The following HS6ST2 variants were observed in gnomAD, a reference collection of about 807,000 sequenced individuals.
The protein encoded by HS6ST2 is heparan sulfate 6-O-sulfotransferase 2.
HS6ST2 carries 17 observed loss-of-function variants against 33.0 expected under a neutral mutation model. The observed-to-expected ratio is 0.52, with a 90% confidence interval of 0.35 to 0.77. The LOEUF (loss-of-function observed/expected upper bound fraction) is 0.77. HS6ST2 is among the 30% of genes least tolerant of loss of function. The probability of loss-of-function intolerance (pLI) is 0.01; values close to 1 mark genes in which losing one functional copy is unlikely to be tolerated. For synonymous variants in HS6ST2, 248 were observed against 237.1 expected (o/e 1.05, Z -0.42); for missense variants, 519 against 551.7 (o/e 0.94, Z 0.59).
chrX:132,876,654 T>G (rs1396380550), intron 2 of HS6ST2, among the ~76,000 whole-genome samples: 1 of 110,484 alleles, frequency 9.1e-6, no homozygotes, highest in Non-Finnish European at 1.9e-5. Context: ...CACTCCTTTA[T>G]GGTGGGAGGG....
At chrX:132,714,320 TAAC>T (rs1447401261) in intron 2 of HS6ST2, among the ~76,000 whole-genome samples, 1 of 110,461 alleles carries the variant, frequency 9.1e-6, no homozygotes, top group African/African-American at 3.3e-5. Flanking sequence ...CTGTTCATGA[TAAC>T]ATTTTTTTTT....
chrX:132,942,464 CTTTTCT>C, intron 2 of HS6ST2, among the ~76,000 whole-genome samples: 1 of 112,185 alleles, frequency 8.9e-6, no homozygotes, highest in African/African-American at 3.2e-5. Context: ...CATAATGGCA[CTTTTCT>C]AAAGCTGCCC....
intron 2 of HS6ST2, among the ~76,000 whole-genome samples, chrX:132,782,977 G>C (rs1167237062): frequency 1.8e-5 from 2 of 111,478 alleles, no homozygotes; most frequent in African/African-American, 6.5e-5. Context: ...CAACATTTAG[G>C]AGAAGAAAAG....
At chrX:132,932,718 T>A (rs1305156703) in intron 2 of HS6ST2, among the ~76,000 whole-genome samples, 1 of 109,713 alleles carries the variant, frequency 9.1e-6, no homozygotes, top group East Asian at 2.8e-4. Context: ...AGAAATAGTG[T>A]TGAAACTAAT....
intron 2 of HS6ST2, among the ~76,000 whole-genome samples, chrX:132,740,682 T>G (rs750228135): frequency 9.0e-6 from 1 of 111,226 alleles, no homozygotes; most frequent in South Asian, 3.9e-4. Context: ...CTTTTTTTTT[T>G]TCAGCCATGC....
intron 2 of HS6ST2, among the ~76,000 whole-genome samples, chrX:132,893,127 A>G (rs1698696819): frequency 8.9e-6 from 1 of 112,081 alleles, no homozygotes; most frequent in South Asian, 3.8e-4. Context: ...ATTGATATAC[A>G]CAGTAGAGAC....
rs765786685 is a variant in HS6ST2, at chrX:132,934,321, A to G, written c.947+22487T>C. 7.1e-4 allele frequency among the ~76,000 whole-genome samples: 80 copies of G among 112,041 alleles called. 1 individual carries two copies. In the Middle Eastern group the frequency reaches 0.033, roughly 46 times the overall value. Reference sequence around the variant, plus strand: ...AAACAAACAGAACCAGTAATGGTACATAAGGTGGTTTATAAGAAACTCAAT... The same window carrying G: ...AAACAAACAGAACCAGTAATGGTACGTAAGGTGGTTTATAAGAAACTCAAT... On this transcript the variant is annotated intron_variant, in intron 2 of 4. Transcript: ENST00000370833.
At chrX:132,927,957 G>A (rs184791619) in intron 2 of HS6ST2, among the ~76,000 whole-genome samples, 1 of 111,180 alleles carries the variant, frequency 9.0e-6, no homozygotes, top group East Asian at 2.8e-4. Context: ...TTAGCTCATG[G>A]TTCTGTAGGC....
At chrX:132,784,281 C>A (rs182787040) in intron 2 of HS6ST2, among the ~76,000 whole-genome samples, 1 of 111,624 alleles carries the variant, frequency 9.0e-6, no homozygotes, top group Non-Finnish European at 1.9e-5. Context: ...GATATGGGAA[C>A]TGAGCCTCAA....
At chrX:132,782,184 A>G (rs192735856) in intron 2 of HS6ST2, among the ~76,000 whole-genome samples, 1,200 of 112,147 alleles carry the variant, frequency 0.011, 10 homozygotes, top group Non-Finnish European at 0.018. Context: ...AACAAAAAGT[A>G]TAGTACACAG....
intron 3 of HS6ST2, among the ~76,000 whole-genome samples, chrX:132,672,227 C>A (rs1016080211): frequency 6.5e-5 from 7 of 108,135 alleles, no homozygotes; most frequent in Non-Finnish European, 1.3e-4. Flanking sequence ...TGAAACATCC[C>A]GCAATCCCAG....
chrX:132,864,084 C>T lies in HS6ST2; in HGVS notation c.947+92724G>A, dbSNP rs191647802. On this transcript the variant is annotated intron_variant, in intron 2 of 4. Transcript: ENST00000370833. ...AACAAAAAGGACATCCACAGAGAAA[C>T]CCCATATGAAGCTCACCAACATCAA... is the stretch of plus-strand genomic sequence containing the variant. Among the ~76,000 whole-genome samples, 32 of 110,467 alleles carry T rather than the reference C, an allele frequency of 2.9e-4. 1 individual carries two copies. In the Admixed American group the frequency reaches 3.1e-3, roughly 11 times the overall value.
At chrX:132,823,957 A>G (rs2065490536) in intron 2 of HS6ST2, among the ~76,000 whole-genome samples, 1 of 109,958 alleles carries the variant, frequency 9.1e-6, no homozygotes, top group Non-Finnish European at 1.9e-5. Context: ...ATGGCTGAGT[A>G]GTATTCCGTG....
intron 2 of HS6ST2, 128 bp from the exon 3 acceptor site, chrX:132,708,622 C>T (rs2064205757): frequency 1.8e-6 from 1 of 548,369 alleles, no homozygotes; most frequent in Non-Finnish European, 3.0e-6. Context: ...GGAAACAGCT[C>T]ATAGATGGCT....
intron 2 of HS6ST2, among the ~76,000 whole-genome samples, chrX:132,865,683 G>C (rs1443816233): frequency 8.9e-6 from 1 of 112,158 alleles, no homozygotes; most frequent in Non-Finnish European, 1.9e-5. Context: ...ACTGGTGTGA[G>C]ATGATATCTC....
chrX:132,836,270 G>A (rs1183800751), intron 2 of HS6ST2, among the ~76,000 whole-genome samples: 1 of 112,403 alleles, frequency 8.9e-6, no homozygotes, highest in Non-Finnish European at 1.9e-5. Flanking sequence ...CGCCTTCAAG[G>A]AGCTCAAGAC....
At chrX:132,781,779 A>C (rs894533015) in intron 2 of HS6ST2, among the ~76,000 whole-genome samples, 1 of 111,575 alleles carries the variant, frequency 9.0e-6, no homozygotes, top group African/African-American at 3.3e-5. Flanking sequence ...ATGAGAACTC[A>C]CTCACTATCA....
rs1480465575 is a variant in HS6ST2, at chrX:132,958,352, G to A, written c.251C>T (p.Ala84Val). ...CCGGGACAGCAGCGCGAAAAGCGGG[G>A]CGCACGCGGCTCCCGCCAGGGAAGA... Reference protein sequence around the residue: ...ASSSLAGAACAPLFALLSRGR... With the variant: ...ASSSLAGAACVPLFALLSRGR... Residue 84 changes from alanine to valine, a missense_variant, in exon 1 of 5, where the codon GCC becomes GTC. Physicochemically the swap from Ala to Val is moderately conservative, Grantham distance 64. Coordinates refer to ENST00000370833, the MANE Select transcript of HS6ST2 (RefSeq NM_001394073.1). 1.7e-6 allele frequency: 2 copies of A among 1,197,686 alleles called. No individual in the cohort carries two copies. Among genetic ancestry groups the A allele is most frequent in the East Asian group, 3.0e-5 (1 of 33,624 alleles).
intron 2 of HS6ST2, among the ~76,000 whole-genome samples, chrX:132,885,441 T>C (rs2066239735): frequency 9.0e-6 from 1 of 111,603 alleles, no homozygotes; most frequent in Non-Finnish European, 1.9e-5. Flanking sequence ...GGTTCTATAC[T>C]GTGTGGCCGA....
Sources: allele counts gnomAD v4.1 joint callset (sites outside exome capture counted in the v4.1 genomes callset), GRCh38; gene constraint gnomAD v4.1.1; transcripts MANE v1.5; gene names NCBI Gene and HGNC (gene_info 2026-07-23, HGNC 2026-07-21).